Variants in SLC51A observed in about 807,000 individuals in gnomAD.
SLC51A encodes organic solute transporter subunit alpha.
SLC51A carries 22 observed loss-of-function variants against 34.8 expected under a neutral mutation model. The ratio of observed to expected loss-of-function variants is 0.63; its 90% CI spans 0.45 to 0.90. The LOEUF (loss-of-function observed/expected upper bound fraction) is 0.90, where lower values mean the gene tolerates loss of function less well. Among genes scored for constraint, SLC51A ranks in the 40% least tolerant of loss-of-function variants. The pLI is 0.00. For synonymous variants in SLC51A, 181 were observed against 176.3 expected (o/e 1.03, Z -0.21); for missense variants, 371 against 414.8 (o/e 0.89, Z 0.92).
intron 7 of SLC51A, among the ~76,000 whole-genome samples, chr3:196,230,879 G>A (rs1262878179): frequency 2.6e-5 from 4 of 152,154 alleles, no homozygotes; most frequent in African/African-American, 9.7e-5. Context: ...GTAACAAACT[G>A]TTCTTAAATA....
rs561117727 is a variant in SLC51A at position 196,228,899 on chromosome 3, C to A, written c.612C>A (p.Asp204Glu). ...LTLVGLFLVP[D>E]GIYDPADISE... is the part of the protein sequence containing the mutation. ...TGGTGGGCCTGTTTCTCGTCCCCGA[C>A]GGCATCTATGACCCAGCAGACGTAA... Residue 204 changes from aspartate to glutamate, a missense_variant, in exon 6 of 9, where the codon GAC becomes GAA. Transcript: ENST00000296327. The surrounding 1 kb of genome is among the most constrained non-coding windows in gnomAD (Gnocchi z 4.9). 7 of 1,613,932 alleles carry A rather than the reference C, an allele frequency of 4.3e-6. No homozygotes were observed. Among genetic ancestry groups the A allele is most frequent in the Non-Finnish European group, 5.9e-6 (7 of 1,179,916 alleles).
rs575823229 is a variant in SLC51A at position 196,220,805 on chromosome 3, G to A, written c.133+2869G>A. Reference sequence around the variant, plus strand: ...ATGGTGACGGCACAGCCAGAAATAGGAGAAGCAGGAAGAAGTGCCTCTGGG... The same window carrying A: ...ATGGTGACGGCACAGCCAGAAATAGAAGAAGCAGGAAGAAGTGCCTCTGGG... On this transcript the variant is annotated intron_variant, in intron 2 of 8. Coordinates refer to ENST00000296327, the MANE Select transcript of SLC51A (RefSeq NM_152672.6). 2.3e-3 allele frequency among the ~76,000 whole-genome samples: 343 copies of A among 152,256 alleles called. 3 individuals carry two copies. Among genetic ancestry groups the A allele is most frequent in the Non-Finnish European group, 2.3e-3 (159 of 68,024 alleles).
chr3:196,225,857 G>C (rs555766943), intron 2 of SLC51A: 1 of 152,354 alleles, frequency 6.6e-6, no homozygotes, highest in South Asian at 2.1e-4. Context: ...GCACATGTCT[G>C]AACGTAGGGC....
At chr3:196,223,164 C>T (rs1281131908) in intron 2 of SLC51A, among the ~76,000 whole-genome samples, 1 of 151,882 alleles carries the variant, frequency 6.6e-6, no homozygotes, top group African/African-American at 2.4e-5. Context: ...TCCTTCACTT[C>T]CAGGCTGTGT....
intron 6 of SLC51A, 42 bp from the exon 7 acceptor site, chr3:196,229,873 G>T: frequency 1.3e-6 from 2 of 1,559,954 alleles, no homozygotes; most frequent in South Asian, 2.4e-5. Flanking sequence ...GAGAGAGAGA[G>T]AGAGCTTGCC....
chr3:196,231,817 T>C (rs1410835328), intron 7 of SLC51A, among the ~76,000 whole-genome samples: 2 of 152,198 alleles, frequency 1.3e-5, no homozygotes, highest in Non-Finnish European at 2.9e-5. Context: ...AGTGATCTTC[T>C]TCTTCTCCCC....
intron 2 of SLC51A, among the ~76,000 whole-genome samples, chr3:196,222,615 C>G (rs1723792093): frequency 6.8e-6 from 1 of 146,226 alleles, no homozygotes. Flanking sequence ...AGCCTGGCGA[C>G]AGAGTAAGGC....
intron 7 of SLC51A, among the ~76,000 whole-genome samples, chr3:196,230,353 G>A (rs191202408): frequency 2.6e-4 from 40 of 152,194 alleles, no homozygotes; most frequent in African/African-American, 9.6e-4. Context: ...GAGCCAGCAG[G>A]GCCCTGCTCC....
At chr3:196,229,157 TGCATG>T (rs1723970168) in intron 6 of SLC51A, among the ~76,000 whole-genome samples, 1 of 152,126 alleles carries the variant, frequency 6.6e-6, no homozygotes, top group East Asian at 1.9e-4. Context: ...GGTGCCATGA[TGCATG>T]GCTCACGAGG....
At position 196,216,880 on chromosome 3, in the gene SLC51A, AGCTG is replaced by A; in HGVS notation, c.38+131_38+134del. On this transcript the variant is annotated intron_variant, in intron 1 of 8. Coordinates refer to ENST00000296327, the MANE Select transcript of SLC51A (RefSeq NM_152672.6). The surrounding 1 kb of genome is among the most constrained non-coding windows in gnomAD (Gnocchi z 4.5). ...AATGAGACAGGACTGGAAATGCTCTAGCTGTTCCTAGGTCCTCAGGGACAACGTG... is the reference window on the plus strand; with the variant it reads ...AATGAGACAGGACTGGAAATGCTCTATTCCTAGGTCCTCAGGGACAACGTG... The A allele has an allele frequency of 9.8e-7, 1 of 1,019,670 alleles. No individual in the cohort carries two copies. 63.2% of individuals were successfully genotyped at this position (1,019,670 alleles called of 1,614,324 possible). A position where few individuals can be genotyped will look rare whatever the true frequency, so the allele number is the denominator to read the frequency against.
Position 196,229,059 on chromosome 3 carries a change from G to T in SLC51A, c.633+139G>T, listed in dbSNP as rs1723967438. On this transcript the variant is annotated intron_variant, in intron 6 of 8. Transcript: ENST00000296327. The stretch of plus-strand genomic sequence containing the variant: ...GTGGGAAAACAGAGGCTCAGGGACT[G>T]CCAGGGAGAGAACCGCAATAGGCCA... 4 of 696,994 alleles carry T rather than the reference G, an allele frequency of 5.7e-6. No individual in the cohort carries two copies. In the East Asian group the frequency reaches 1.1e-4, roughly 19 times the overall value. The allele number at this position is 696,994 out of a possible 1,614,324, so 43.2% of individuals were successfully genotyped here.
rs1407606990 is a variant in SLC51A, at chr3:196,229,926, G to A, written c.645G>A (p.Gly215=). The change falls in exon 7 of 9, where the codon GGG becomes GGA. Residue 215 remains glycine, a synonymous_variant. Coordinates refer to ENST00000296327, the MANE Select transcript of SLC51A (RefSeq NM_152672.6). ...TCTGTTGCCACCAGATTTCTGAGGGGAGCACAGCTCTATGGATCAACACTT... is the reference window on the plus strand; with the variant it reads ...TCTGTTGCCACCAGATTTCTGAGGGAAGCACAGCTCTATGGATCAACACTT... ...GIYDPADISE[G]STALWINTFL... The A allele has an allele frequency of 8.1e-6, 13 of 1,607,348 alleles. No individual in the cohort carries two copies. Among genetic ancestry groups the A allele is most frequent in the Non-Finnish European group, 1.1e-5 (13 of 1,177,242 alleles).
At chr3:196,232,892 T>C in intron 8 of SLC51A, 171 bp from the exon 9 acceptor site, 1 of 691,146 alleles carries the variant, frequency 1.4e-6, no homozygotes, top group South Asian at 1.8e-5. Flanking sequence ...AACTTCCGGT[T>C]CTGGCTCTAC....
intron 2 of SLC51A, among the ~76,000 whole-genome samples, chr3:196,222,517 C>T (rs1350179144): frequency 6.6e-6 from 1 of 151,530 alleles, no homozygotes; most frequent in Non-Finnish European, 1.5e-5. Context: ...TACCTGTAAT[C>T]CCAGCTACCT....
At chr3:196,219,172 G>A (rs371074410) in intron 2 of SLC51A, among the ~76,000 whole-genome samples, 1 of 152,160 alleles carries the variant, frequency 6.6e-6, no homozygotes, top group Admixed American at 6.5e-5. Flanking sequence ...GTTGCAGTGA[G>A]CCGAGATCAC....
intron 7 of SLC51A, among the ~76,000 whole-genome samples, chr3:196,231,142 C>T (rs1006026312): frequency 1.3e-5 from 2 of 152,130 alleles, no homozygotes; most frequent in African/African-American, 4.8e-5. Context: ...CCCCAGGAGT[C>T]ATTTTTCCCA....
In SLC51A at chr3:196,227,210, CAA is replaced by C. The variant is rs1723920309; in HGVS notation, c.288+93_288+94del. ...CTCTAAACTCAGCACGTCACTTCGGCAAAGAGTGTCCTGCCACGACCCGCGGA... is the reference window on the plus strand; with the variant it reads ...CTCTAAACTCAGCACGTCACTTCGGCAGAGTGTCCTGCCACGACCCGCGGA... On this transcript the variant is annotated intron_variant, in intron 3 of 8. Transcript: ENST00000296327. 11 of 657,684 alleles carry C rather than the reference CAA, an allele frequency of 1.7e-5. No individual in the cohort carries two copies. The Admixed American group carries it at 2.9e-4, about 17-fold the overall frequency. The allele number at this position is 657,684 out of a possible 1,614,324, so 40.7% of individuals were successfully genotyped here.
chr3:196,228,034 C>T lies in SLC51A; in HGVS notation c.363-81C>T, dbSNP rs1723940332. The T allele has an allele frequency of 3.2e-6, 5 of 1,548,398 alleles. No homozygotes were observed. The highest frequency in any genetic ancestry group is 4.4e-6 in the Non-Finnish European group (5 of 1,141,186). ...CCCAGAACGCCCAGCCCTAGCTCTGCTCCTCAGTAAGCCCCACCTCTCCCT... is the reference window on the plus strand; with the variant it reads ...CCCAGAACGCCCAGCCCTAGCTCTGTTCCTCAGTAAGCCCCACCTCTCCCT... On this transcript the variant is annotated intron_variant, in intron 4 of 8. Coordinates refer to ENST00000296327, the MANE Select transcript of SLC51A (RefSeq NM_152672.6). This position sits in a 1 kb window ranked among gnomAD's most constrained non-coding sequence, Gnocchi z 4.9.
intron 7 of SLC51A, among the ~76,000 whole-genome samples, chr3:196,231,821 T>A (rs1724035311): frequency 6.6e-6 from 1 of 152,144 alleles, no homozygotes; most frequent in African/African-American, 2.4e-5. Flanking sequence ...ATCTTCTTCT[T>A]CTCCCCTTTT....
Sources: allele counts gnomAD v4.1 joint callset (sites outside exome capture counted in the v4.1 genomes callset), GRCh38; gene constraint gnomAD v4.1.1; non-coding constraint Gnocchi (gnomAD v3.1); transcripts MANE v1.5; gene names NCBI Gene and HGNC (gene_info 2026-07-23, HGNC 2026-07-21).